STARD10: variants seen among roughly 807,000 people sequenced by gnomAD.
STARD10 encodes START domain-containing protein 10.
In STARD10, 24 loss-of-function variants were observed where a neutral mutation model predicts 36.0. The ratio of observed to expected loss-of-function variants is 0.67; its 90% CI spans 0.48 to 0.94. STARD10 has a LOEUF of 0.94. STARD10 is among the 40% of genes least tolerant of loss of function. The probability of loss-of-function intolerance (pLI) is 0.00; values close to 1 mark genes in which losing one functional copy is unlikely to be tolerated. For missense variants in STARD10, 335 were observed against 396.6 expected (o/e 0.84, Z 1.32); for synonymous variants, 156 against 161.9 (o/e 0.96, Z 0.28).
intron 1 of STARD10, among the ~76,000 whole-genome samples, chr11:72,784,300 A>G (rs1859044659): frequency 6.6e-6 from 1 of 152,168 alleles, no homozygotes. Flanking sequence ...AGCAGCACAA[A>G]GGGCCTGTGG....
chr11:72,793,776 C>G lies in STARD10; in HGVS notation c.-1015G>C, dbSNP rs530724803. ...TGCGCGTGCGCTTCCCGCCCGGGACCGCCCAGAGGTCCCGGACTAGGGGCG... is the reference window on the plus strand; with the variant it reads ...TGCGCGTGCGCTTCCCGCCCGGGACGGCCCAGAGGTCCCGGACTAGGGGCG... On this transcript the variant is annotated 5_prime_UTR_variant, in exon 1 of 7. Transcript: ENST00000334805. 2 of 152,234 alleles carry G rather than the reference C, an allele frequency of 1.3e-5. No homozygotes were observed. The highest frequency in any genetic ancestry group is 4.8e-5 in the African/African-American group (2 of 41,462). The allele number at this position is 152,234 out of a possible 1,614,324, so 9.4% of individuals were successfully genotyped here.
At chr11:72,780,916 C>T (rs1858984942) in intron 2 of STARD10, 59 bp downstream of exon 2, 1 of 1,565,516 alleles carries the variant, frequency 6.4e-7, no homozygotes, top group African/African-American at 1.4e-5. Flanking sequence ...GACCAGGAGA[C>T]TCCGGGAGAG....
At chr11:72,769,682 A>G (rs1858833531) in intron 2 of STARD10, among the ~76,000 whole-genome samples, 1 of 152,224 alleles carries the variant, frequency 6.6e-6, no homozygotes, top group Non-Finnish European at 1.5e-5. Flanking sequence ...GAATCCCAGG[A>G]CTACAAATTT....
chr11:72,780,141 A>G (rs1470623208), intron 2 of STARD10: 1 of 444,910 alleles, frequency 2.2e-6, no homozygotes, highest in African/African-American at 2.0e-5. Flanking sequence ...GGGGGCAGCT[A>G]TTGAGGCCCT....
chr11:72,761,799 G>A (rs545936276), intron 2 of STARD10, among the ~76,000 whole-genome samples: 83 of 151,566 alleles, frequency 5.5e-4, no homozygotes, highest in Non-Finnish European at 9.1e-4. Flanking sequence ...AAAAATATAC[G>A]CATAGAGGAA....
At position 72,781,140 on chromosome 11, in the gene STARD10, C is replaced by T; in HGVS notation, c.42G>A (p.Arg14=). 1 of 1,613,164 alleles carries T rather than the reference C, an allele frequency of 6.2e-7. No homozygotes were observed. Among genetic ancestry groups the T allele is most frequent in the Non-Finnish European group, 8.5e-7 (1 of 1,180,020 alleles). ...GGACACTCTCACGGCCCAGGACCGG[C>T]CGAGGCCCTTGGGGCTCTGTAGAGG... ...LAASTEPQGP[R]PVLGRESVQV... The change falls in exon 2 of 7, where the codon CGG becomes CGA. Residue 14 remains arginine (R), a synonymous_variant. Transcript: ENST00000334805. This position sits in a 1 kb window ranked among gnomAD's most constrained non-coding sequence, Gnocchi z 4.7.
chr11:72,784,281 C>T (rs1376352116), intron 1 of STARD10, among the ~76,000 whole-genome samples: 1 of 152,190 alleles, frequency 6.6e-6, no homozygotes, highest in African/African-American at 2.4e-5. Context: ...TGGGGAGGAC[C>T]CACAACCTAG....
intron 2 of STARD10, among the ~76,000 whole-genome samples, chr11:72,763,782 A>G (rs1858751471): frequency 6.6e-6 from 1 of 152,212 alleles, no homozygotes; most frequent in Non-Finnish European, 1.5e-5. Context: ...GTTAGCATCC[A>G]AACAGCCTCC....
intron 2 of STARD10, among the ~76,000 whole-genome samples, chr11:72,760,037 A>G (rs1858696326): frequency 6.6e-6 from 1 of 151,292 alleles, no homozygotes; most frequent in South Asian, 2.1e-4. Context: ...CAGCCTCCAG[A>G]ATAGCTGGGA....
chr11:72,781,575 C>T lies in STARD10; in HGVS notation c.-113-281G>A. The stretch of plus-strand genomic sequence containing the variant: ...GGACGGTGCGGCGGGGCCCGCGGAG[C>T]GACCTGCTCAACTAACTCGCAGCGA... On this transcript the variant is annotated intron_variant, in intron 1 of 6. Transcript: ENST00000334805. This position sits in a 1 kb window ranked among gnomAD's most constrained non-coding sequence, Gnocchi z 4.7. 1 of 158,092 alleles carries T rather than the reference C, an allele frequency of 6.3e-6. No individual in the cohort carries two copies. Among genetic ancestry groups the T allele is most frequent in the Non-Finnish European group, 1.4e-5 (1 of 72,916 alleles). 9.8% of individuals were successfully genotyped at this position (158,092 alleles called of 1,614,324 possible).
At chr11:72,756,495 A>G (rs1858646212) in intron 5 of STARD10, among the ~76,000 whole-genome samples, 1 of 152,046 alleles carries the variant, frequency 6.6e-6, no homozygotes, top group Admixed American at 6.5e-5. Context: ...CTGTTCTACT[A>G]GAGGGGAATG....
At chr11:72,768,632 AAT>A (rs796404742) in intron 2 of STARD10, among the ~76,000 whole-genome samples, 133 of 152,294 alleles carry the variant, frequency 8.7e-4, no homozygotes, top group African/African-American at 2.9e-3. Flanking sequence ...TTATGTCTTC[AAT>A]ATGTCTTCAA....
At chr11:72,764,345 T>C (rs1276050927) in intron 2 of STARD10, among the ~76,000 whole-genome samples, 1 of 152,220 alleles carries the variant, frequency 6.6e-6, no homozygotes, top group Non-Finnish European at 1.5e-5. Flanking sequence ...GGCCGGAGCA[T>C]GCAGAGCCAC....
intron 1 of STARD10, among the ~76,000 whole-genome samples, chr11:72,787,688 C>T (rs941773804): frequency 1.3e-5 from 2 of 152,200 alleles, no homozygotes; most frequent in African/African-American, 2.4e-5. Context: ...GGCGCCTGAT[C>T]CATCTGCCTG....
chr11:72,761,813 C>CAGG (rs1858719501), intron 2 of STARD10, among the ~76,000 whole-genome samples: 1 of 150,730 alleles, frequency 6.6e-6, no homozygotes, highest in Non-Finnish European at 1.5e-5. Flanking sequence ...AGAGGAAGCT[C>CAGG]AGGAAGCACA....
chr11:72,790,973 C>T (rs1859135620), intron 1 of STARD10, among the ~76,000 whole-genome samples: 1 of 152,196 alleles, frequency 6.6e-6, no homozygotes, highest in Non-Finnish European at 1.5e-5. Flanking sequence ...CGGCCTGCCT[C>T]GACCTGTGTT....
At chr11:72,762,956 G>A (rs1268563752) in intron 2 of STARD10, among the ~76,000 whole-genome samples, 6 of 152,232 alleles carry the variant, frequency 3.9e-5, no homozygotes, top group Non-Finnish European at 7.3e-5. Context: ...GAAAGTATAA[G>A]ATGAGCATGG....
At chr11:72,775,499 G>T (rs1035843395) in intron 2 of STARD10, among the ~76,000 whole-genome samples, 2 of 151,972 alleles carry the variant, frequency 1.3e-5, no homozygotes, top group African/African-American at 4.8e-5. Flanking sequence ...TCCACCTCTG[G>T]GCCTTTGCAC....
In STARD10 at chr11:72,755,160, C is replaced by CG; in HGVS notation, c.631-19dup. On this transcript the variant is annotated intron_variant, in intron 6 of 6. Transcript: ENST00000334805. ...TTCATGGCCTGTGGGCCCGCCGCCC[C>CG]GCCGGGTCAGGGGGTGGCTAGGGGG... The CG allele has an allele frequency of 6.2e-7, 1 of 1,603,784 alleles. No individual in the cohort carries two copies. The highest frequency in any genetic ancestry group is 1.1e-5 in the South Asian group (1 of 90,006).
Sources: gnomAD v4.1 joint callset for allele counts (sites outside exome capture counted in the v4.1 genomes callset) on GRCh38, gnomAD v4.1.1 for gene constraint, Gnocchi (gnomAD v3.1) non-coding constraint, MANE v1.5 for transcripts, NCBI Gene and HGNC (gene_info 2026-07-23, HGNC 2026-07-21) for gene names.